The following PCED1B variants were observed in gnomAD, a reference collection of about 807,000 sequenced individuals.
PCED1B encodes PC-esterase domain-containing protein 1B.
For synonymous variants in PCED1B, 251 were observed against 246.1 expected, an observed-to-expected ratio of 1.02 and a Z score of -0.19; for missense variants, 573 against 573.9, an observed-to-expected ratio of 1.00 and a Z score of 0.02.
chr12:47,131,825 C>T (rs758564781), intron 2 of PCED1B, among the ~76,000 whole-genome samples: 1 of 152,016 alleles, frequency 6.6e-6, no homozygotes, highest in Non-Finnish European at 1.5e-5. Flanking sequence ...TGCGCCACCA[C>T]ATCCGGCTAA....
At chr12:47,087,922 G>A (rs1334009732) in intron 1 of PCED1B, among the ~76,000 whole-genome samples, 1 of 152,144 alleles carries the variant, frequency 6.6e-6, no homozygotes, top group Non-Finnish European at 1.5e-5. Flanking sequence ...CCAAGGAACT[G>A]AAACACCTTC....
intron 1 of PCED1B, among the ~76,000 whole-genome samples, chr12:47,089,102 T>C (rs1466642730): frequency 6.6e-6 from 1 of 152,070 alleles, no homozygotes; most frequent in Non-Finnish European, 1.5e-5. Flanking sequence ...AAACTTGATA[T>C]TTTTGGTGTC....
rs181009217 is a variant in PCED1B at position 47,109,159 on chromosome 12, A to G, written c.-526+4964A>G. Among the ~76,000 whole-genome samples the G allele has an allele frequency of 1.4e-3, 206 of 152,284 alleles. 2 individuals carry two copies. Among genetic ancestry groups the G allele is most frequent in the Admixed American group, 3.0e-3 (46 of 15,300 alleles). ...CAAAGAACAGAATTGGAGGCAGAATACTGTAGAAGAAATTTTCAAGAAGAT... is the reference window on the plus strand; with the variant it reads ...CAAAGAACAGAATTGGAGGCAGAATGCTGTAGAAGAAATTTTCAAGAAGAT... On this transcript the variant is annotated intron_variant, in intron 2 of 3. Transcript: ENST00000546455.
At chr12:47,142,066 A>T (rs929692082) in intron 2 of PCED1B, among the ~76,000 whole-genome samples, 2 of 152,192 alleles carry the variant, frequency 1.3e-5, no homozygotes, top group Non-Finnish European at 2.9e-5. Flanking sequence ...GCATCTGGCA[A>T]CAGGCCTGCC....
chr12:47,131,694 G>A (rs1940136239), intron 2 of PCED1B, among the ~76,000 whole-genome samples: 1 of 99,158 alleles, frequency 1.0e-5, no homozygotes, highest in South Asian at 3.0e-4. Context: ...TTTTGAGAAG[G>A]AGTCTCACTC....
At chr12:47,150,642 A>T (rs1173752054) in intron 2 of PCED1B, among the ~76,000 whole-genome samples, 1 of 151,290 alleles carries the variant, frequency 6.6e-6, no homozygotes, top group African/African-American at 2.4e-5. Flanking sequence ...GAAGTGGGGG[A>T]CTCACCCATG....
At chr12:47,231,780 T>C (rs1943815224) in intron 3 of PCED1B, among the ~76,000 whole-genome samples, 1 of 152,190 alleles carries the variant, frequency 6.6e-6, no homozygotes, top group Non-Finnish European at 1.5e-5. Context: ...GGGACAGAAC[T>C]GTATTAACAG....
chr12:47,090,832 T>G (rs1938231602), intron 1 of PCED1B, among the ~76,000 whole-genome samples: 1 of 152,162 alleles, frequency 6.6e-6, no homozygotes, highest in Admixed American at 6.5e-5. Flanking sequence ...ACAATTGGTT[T>G]AACTATTTTG....
In PCED1B at chr12:47,196,931, G is replaced by A. The variant is rs150362284; in HGVS notation, c.-525-19291G>A. On this transcript the variant is annotated intron_variant, in intron 2 of 3. Transcript: ENST00000546455. ...AATGAAAACATTTGCAGCATGGATG[G>A]CAGGCCAAAGTGTTAATACACTTAA... Among the ~76,000 whole-genome samples, 278 of 151,578 alleles carry A rather than the reference G, an allele frequency of 1.8e-3. 6 individuals carry two copies. In the East Asian group the frequency reaches 0.03, roughly 16 times the overall value.
At chr12:47,197,393 G>A (rs922994847) in intron 2 of PCED1B, among the ~76,000 whole-genome samples, 4 of 148,678 alleles carry the variant, frequency 2.7e-5, no homozygotes, top group African/African-American at 5.0e-5. Context: ...GATCACCTGA[G>A]GTCAGGAGTT....
At chr12:47,187,272 G>A (rs1284356150) in intron 2 of PCED1B, among the ~76,000 whole-genome samples, 2 of 152,184 alleles carry the variant, frequency 1.3e-5, no homozygotes, top group African/African-American at 4.8e-5. Context: ...AGTGTTCATA[G>A]GGAGAGACCA....
At chr12:47,141,916 C>T (rs543132286) in intron 2 of PCED1B, among the ~76,000 whole-genome samples, 4 of 152,282 alleles carry the variant, frequency 2.6e-5, no homozygotes, top group South Asian at 2.1e-4. Flanking sequence ...GAGGCACCTT[C>T]ATCCATGACC....
intron 2 of PCED1B, among the ~76,000 whole-genome samples, chr12:47,164,126 C>T (rs1406352032): frequency 2.0e-5 from 3 of 152,152 alleles, no homozygotes; most frequent in Non-Finnish European, 4.4e-5. Flanking sequence ...TAATAAACCA[C>T]ATCTAAACCA....
intron 1 of PCED1B, among the ~76,000 whole-genome samples, chr12:47,089,461 CATATATAT>C (rs1217283440): frequency 1.9e-4 from 12 of 63,398 alleles, no homozygotes; most frequent in African/African-American, 6.1e-4. Context: ...AAAAAAAATA[CATATATAT>C]ATATATATAT....
chr12:47,117,859 G>A (rs1241046511), intron 2 of PCED1B, among the ~76,000 whole-genome samples: 1 of 152,172 alleles, frequency 6.6e-6, no homozygotes, highest in Non-Finnish European at 1.5e-5. Flanking sequence ...TCCAGCACCT[G>A]TTGTTTCCTG....
chr12:47,126,228 T>C lies in PCED1B; in HGVS notation c.-526+22033T>C, dbSNP rs549920314. On this transcript the variant is annotated intron_variant, in intron 2 of 3. Coordinates refer to ENST00000546455, the MANE Select transcript of PCED1B (RefSeq NM_138371.3). ...AATGTGAGTTTTTATAAGGAATGCA[T>C]GTAGGATTTTGCCAAATGCTTTCTT... 2.6e-5 allele frequency among the ~76,000 whole-genome samples: 4 copies of C among 152,218 alleles called. No individual in the cohort carries two copies. The South Asian group carries it at 8.3e-4, about 32-fold the overall frequency.
chr12:47,174,885 T>A (rs1232703015), intron 2 of PCED1B, among the ~76,000 whole-genome samples: 1 of 152,170 alleles, frequency 6.6e-6, no homozygotes, highest in Admixed American at 6.5e-5. Flanking sequence ...TCCTCATCTG[T>A]AAAATGGGAA....
chr12:47,122,402 A>G (rs1275920968), intron 2 of PCED1B, among the ~76,000 whole-genome samples: 1 of 152,236 alleles, frequency 6.6e-6, no homozygotes, highest in African/African-American at 2.4e-5. Flanking sequence ...CCCTTGATCC[A>G]GAACTTTACA....
At chr12:47,191,068 C>T (rs1387289539) in intron 2 of PCED1B, among the ~76,000 whole-genome samples, 4 of 152,124 alleles carry the variant, frequency 2.6e-5, no homozygotes, top group Non-Finnish European at 4.4e-5. Context: ...TACCCTCTAA[C>T]GAAATGACTA....
Sources: gnomAD v4.1 joint callset for allele counts (sites outside exome capture counted in the v4.1 genomes callset) on GRCh38, gnomAD v4.1.1 for gene constraint, MANE v1.5 for transcripts, NCBI Gene and HGNC (gene_info 2026-07-23, HGNC 2026-07-21) for gene names.